Variants in SFI1 observed in about 807,000 individuals in gnomAD.
SFI1 encodes protein SFI1 homolog.
SFI1 carries 195 observed loss-of-function variants against 207.5 expected under a neutral mutation model. The ratio of observed to expected loss-of-function variants is 0.94; its 90% CI spans 0.84 to 1.06. SFI1 has a LOEUF of 1.06. Ranked by LOEUF, SFI1 falls within the 50% of genes least tolerant of loss-of-function variation. The pLI, the probability that SFI1 is intolerant of heterozygous loss-of-function variation, is 0.00. For synonymous variants in SFI1, 630 were observed against 598.9 expected (o/e 1.05, Z -0.76); for missense variants, 1,634 against 1,588.0 (o/e 1.03, Z -0.49).
intron 15 of SFI1, among the ~76,000 whole-genome samples, chr22:31,590,162 G>T (rs1219006803): frequency 6.7e-6 from 1 of 149,550 alleles, no homozygotes; most frequent in African/African-American, 2.5e-5. Context: ...TGAGGCCCCC[G>T]TACATTAGGA....
intron 8 of SFI1, among the ~76,000 whole-genome samples, chr22:31,568,769 G>C (rs964773500): frequency 6.6e-6 from 1 of 151,924 alleles, no homozygotes; most frequent in African/African-American, 2.4e-5. Flanking sequence ...AATTTGGAAG[G>C]GTTCCCAGGG....
At chr22:31,546,149 G>A (rs142363446) in intron 4 of SFI1, among the ~76,000 whole-genome samples, 1,782 of 151,532 alleles carry the variant, frequency 0.012, 10 homozygotes, top group Middle Eastern at 0.031. Context: ...AGCCTCCCAA[G>A]GTGCTGGCAT....
At chr22:31,568,269 T>C (rs1198146946) in intron 8 of SFI1, among the ~76,000 whole-genome samples, 1 of 147,942 alleles carries the variant, frequency 6.8e-6, no homozygotes, top group East Asian at 2.0e-4. Context: ...TCTGGCGCGA[T>C]GGCTCCCAGC....
Position 31,540,663 on chromosome 22 carries a change from C to T in SFI1, c.339-6198C>T, listed in dbSNP as rs552798338. Among the ~76,000 whole-genome samples the T allele has an allele frequency of 9.2e-5, 14 of 152,074 alleles. No homozygotes were observed. In the South Asian group the frequency reaches 2.5e-3, roughly 27 times the overall value. On this transcript the variant is annotated intron_variant, in intron 4 of 32. Coordinates refer to ENST00000400288, the MANE Select transcript of SFI1 (RefSeq NM_001007467.3). The stretch of plus-strand genomic sequence containing the variant: ...TGGCATGATCTCGGCTCACTGCAAC[C>T]GCCACCTCTCAGGTTCATGCGAGTT...
chr22:31,498,156 G>A (rs1379286665), intron 1 of SFI1, among the ~76,000 whole-genome samples: 1 of 152,186 alleles, frequency 6.6e-6, no homozygotes, highest in Non-Finnish European at 1.5e-5. Flanking sequence ...TTAGCCGGAT[G>A]TGGTGGCGGG....
At chr22:31,549,922 G>GTTGTTTGT (rs537425060) in intron 5 of SFI1, among the ~76,000 whole-genome samples, 5 of 151,162 alleles carry the variant, frequency 3.3e-5, no homozygotes, top group African/African-American at 9.7e-5. Flanking sequence ...TTTTGTTGTT[G>GTTGTTTGT]TTGTTTGTTT....
chr22:31,588,459 G>A (rs2065324293), intron 14 of SFI1, among the ~76,000 whole-genome samples: 1 of 152,162 alleles, frequency 6.6e-6, no homozygotes, highest in Non-Finnish European at 1.5e-5. Context: ...TCAAGGGGAG[G>A]GAACATAGAT....
At chr22:31,614,144 A>G (rs2070918182) in intron 27 of SFI1, 1 of 442,832 alleles carries the variant, frequency 2.3e-6, no homozygotes, top group East Asian at 3.4e-5. Context: ...TCCTGCTGAC[A>G]CGATCTTTTC....
chr22:31,542,994 C>T (rs1334665350), intron 4 of SFI1, among the ~76,000 whole-genome samples: 6 of 129,058 alleles, frequency 4.6e-5, no homozygotes, highest in Admixed American at 9.0e-5. Flanking sequence ...TTTTTTGAGA[C>T]GGAGTCTCAC....
chr22:31,602,920 A>C, intron 17 of SFI1, 135 bp downstream of exon 17: 1 of 1,048,430 alleles, frequency 9.5e-7, no homozygotes, highest in Non-Finnish European at 1.3e-6. Flanking sequence ...CTGGAAGTTC[A>C]ACCTAAAAGA....
chr22:31,616,768 T>C lies in SFI1; in HGVS notation c.3324T>C (p.Pro1108=). The change falls in exon 30 of 33, where the codon CCT becomes CCC. Residue 1108 remains proline, a synonymous_variant. Transcript: ENST00000400288. ...AGGTGTCAGCACAGCGGGCTACTCC[T>C]AGGGATAAGCCCCCGGTCCCCTCAT... The part of the protein sequence containing the change: ...PARVSAQRAT[P]RDKPPVPSSL... 1 of 1,577,974 alleles carries C rather than the reference T, an allele frequency of 6.3e-7. No homozygotes were observed. The highest frequency in any genetic ancestry group is 1.9e-5 in the Admixed American group (1 of 52,986).
chr22:31,528,933 G>T, intron 3 of SFI1, 70 bp downstream of exon 3: 2 of 1,457,658 alleles, frequency 1.4e-6, no homozygotes, highest in Non-Finnish European at 1.9e-6. Context: ...TAAAATGGGG[G>T]AATGATTCTT....
chr22:31,508,939 C>T (rs1249647641), intron 2 of SFI1, among the ~76,000 whole-genome samples: 1 of 152,146 alleles, frequency 6.6e-6, no homozygotes, highest in Admixed American at 6.6e-5. Flanking sequence ...TTCAAATTAT[C>T]CTATTTTTAG....
intron 5 of SFI1, among the ~76,000 whole-genome samples, chr22:31,549,522 G>A (rs1046251521): frequency 3.3e-5 from 5 of 151,586 alleles, no homozygotes; most frequent in African/African-American, 1.2e-4. Context: ...ATGCTACTAC[G>A]AGTGGCTAAT....
chr22:31,610,422 T>C (rs5998058), intron 22 of SFI1, among the ~76,000 whole-genome samples: 119,325 of 152,188 alleles, frequency 0.78, 47,769 homozygotes, highest in African/African-American at 0.95. Flanking sequence ...GCAGCACTAA[T>C]GTGGGTGCCT....
chr22:31,575,327 A>C lies in SFI1; in HGVS notation c.1019A>C (p.His340Pro). Residue 340 changes from histidine (H) to proline (P), a missense_variant, in exon 10 of 33, where the codon CAT becomes CCT. Transcript: ENST00000400288. The part of the protein sequence containing the change: ...WERRESLYAH[H>P]AQVEKLARKM... The stretch of plus-strand genomic sequence containing the variant: ...CGGAGGGAGAGCTTGTACGCTCACC[A>C]TGCCCAGGTGGAGAAACTGGCCAGG... 1 of 1,613,400 alleles carries C rather than the reference A, an allele frequency of 6.2e-7. No individual in the cohort carries two copies. Among genetic ancestry groups the C allele is most frequent in the Non-Finnish European group, 8.5e-7 (1 of 1,179,796 alleles).
In SFI1 at chr22:31,568,208, GTGTA is replaced by G. The variant is rs1569334014; in HGVS notation, c.766-4848_766-4845del. ...GTGTGTGTGTGTTGTGTGTGTGTGT[GTGTA>G]TATATATATATATATTTTTTTTTTT... On this transcript the variant is annotated intron_variant, in intron 8 of 32. Coordinates refer to ENST00000400288, the MANE Select transcript of SFI1 (RefSeq NM_001007467.3). Among the ~76,000 whole-genome samples, 703 of 123,518 alleles carry G rather than the reference GTGTA, an allele frequency of 5.7e-3. 7 individuals carry two copies. Among genetic ancestry groups the G allele is most frequent in the South Asian group, 0.044 (144 of 3,304 alleles). The allele number at this position is 123,518 out of a possible 152,430, so 81.0% of individuals were successfully genotyped here.
At position 31,580,425 on chromosome 22, in the gene SFI1, T is replaced by A. The variant is rs79167290; in HGVS notation, c.1248+61T>A. On this transcript the variant is annotated intron_variant, in intron 12 of 32. Transcript: ENST00000400288. ...GAAGGCCATTCTCTCTCGCTCTTTT[T>A]TTCAGTCTTGCCAAATTAAGCAGAA... 4.3e-3 allele frequency: 6,064 copies of A among 1,425,028 alleles called. 69 individuals carry two copies. The highest frequency in any genetic ancestry group is 0.032 in the Middle Eastern group (182 of 5,650). 88.3% of individuals were successfully genotyped at this position (1,425,028 alleles called of 1,614,324 possible).
chr22:31,564,402 T>C (rs540115999), intron 8 of SFI1, among the ~76,000 whole-genome samples: 1 of 143,332 alleles, frequency 7.0e-6, no homozygotes, highest in Admixed American at 7.1e-5. Flanking sequence ...GTTAGCATTT[T>C]CTATACTTGC....
Sources: gnomAD v4.1 joint callset for allele counts (sites outside exome capture counted in the v4.1 genomes callset) on GRCh38, gnomAD v4.1.1 for gene constraint, MANE v1.5 for transcripts, NCBI Gene and HGNC (gene_info 2026-07-23, HGNC 2026-07-21) for gene names.